Variants in TG observed in about 807,000 individuals in gnomAD.
TG encodes thyroglobulin, also known as thyroid hormones.
In TG, 270 loss-of-function variants were observed where a neutral mutation model predicts 324.7. The ratio of observed to expected loss-of-function variants is 0.83; its 90% CI spans 0.75 to 0.92. The LOEUF is 0.92. Ranked by LOEUF, TG falls within the 40% of genes least tolerant of loss-of-function variation. The probability of loss-of-function intolerance (pLI) is 0.00; values close to 1 mark genes in which losing one functional copy is unlikely to be tolerated. For synonymous variants in TG, 1,401 were observed against 1,327.0 expected, an observed-to-expected ratio of 1.06 and a Z score of -1.21; for missense variants, 3,591 against 3,456.4, an observed-to-expected ratio of 1.04 and a Z score of -0.98.
intron 41 of TG, among the ~76,000 whole-genome samples, chr8:133,035,261 A>G (rs1196021092): frequency 6.6e-6 from 1 of 152,094 alleles, no homozygotes; most frequent in Non-Finnish European, 1.5e-5. Flanking sequence ...TTATTGCATT[A>G]TTTTCTTCTT....
At position 132,969,605 on chromosome 8, in the gene TG, T is replaced by C. The variant is rs374299497; in HGVS notation, c.5975+36T>C. On this transcript the variant is annotated intron_variant, in intron 32 of 47. Coordinates refer to ENST00000220616, the MANE Select transcript of TG (RefSeq NM_003235.5). ...TGTGTCTCACCCCTAATGTTTATTA[T>C]GAATAATACTTCCTCAAAGAAGATG... 18 of 1,343,958 alleles carry C rather than the reference T, an allele frequency of 1.3e-5. No homozygotes were observed. The South Asian group carries it at 1.5e-4, about 11-fold the overall frequency. 83.3% of individuals were successfully genotyped at this position (1,343,958 alleles called of 1,614,324 possible).
At chr8:132,973,190 C>G (rs1829764200) in intron 34 of TG, among the ~76,000 whole-genome samples, 1 of 152,176 alleles carries the variant, frequency 6.6e-6, no homozygotes, top group Non-Finnish European at 1.5e-5. Context: ...GGGGGTGTTC[C>G]TCAAACAGTA....
intron 27 of TG, among the ~76,000 whole-genome samples, chr8:132,950,761 C>T (rs1307056623): frequency 6.6e-6 from 1 of 152,152 alleles, no homozygotes; most frequent in Non-Finnish European, 1.5e-5. Context: ...ACAGTAATAC[C>T]AGTACCCATC....
At chr8:133,061,169 C>G (rs962463299) in intron 41 of TG, among the ~76,000 whole-genome samples, 1 of 152,140 alleles carries the variant, frequency 6.6e-6, no homozygotes, top group Non-Finnish European at 1.5e-5. Context: ...CATGCCACAC[C>G]CAGCTAATTT....
chr8:132,968,026 T>C, intron 31 of TG, 56 bp downstream of exon 31: 1 of 1,595,130 alleles, frequency 6.3e-7, no homozygotes, highest in Admixed American at 1.7e-5. Flanking sequence ...GCTGGCTCTG[T>C]GGTTTTAGAA....
At chr8:133,076,479 G>T (rs1008792007) in intron 41 of TG, among the ~76,000 whole-genome samples, 7 of 152,188 alleles carry the variant, frequency 4.6e-5, no homozygotes, top group African/African-American at 1.7e-4. Flanking sequence ...ATGCTGGGAA[G>T]GTACAAAGGA....
At chr8:132,933,374 CTG>C (rs1293321419) in intron 23 of TG, among the ~76,000 whole-genome samples, 185 bp from the exon 24 acceptor site, 3 of 3,306 alleles carry the variant, frequency 9.1e-4, no homozygotes, top group East Asian at 7.9e-3. Context: ...GTGTGTGTGC[CTG>C]TGTGTGTGTA....
At chr8:133,043,774 T>C (rs1838771221) in intron 41 of TG, among the ~76,000 whole-genome samples, 1 of 152,224 alleles carries the variant, frequency 6.6e-6, no homozygotes, top group African/African-American at 2.4e-5. Flanking sequence ...GCACTTTGCT[T>C]GCTCAGTTCA....
chr8:132,900,394 C>T (rs1362152596), intron 15 of TG, 55 bp downstream of exon 15: 39 of 1,516,462 alleles, frequency 2.6e-5, no homozygotes, highest in Admixed American at 7.5e-5. Flanking sequence ...GGGCACTGAG[C>T]GTGGAGTCCA....
intron 35 of TG, among the ~76,000 whole-genome samples, chr8:132,985,631 C>T (rs1006295534): frequency 1.7e-4 from 26 of 152,184 alleles, no homozygotes; most frequent in African/African-American, 5.3e-4. Flanking sequence ...CATCCTGTTA[C>T]AATTGTCAAG....
intron 35 of TG, chr8:133,001,647 A>G (rs558947571): frequency 9.7e-6 from 6 of 618,452 alleles, no homozygotes; most frequent in African/African-American, 6.0e-5. Flanking sequence ...GGATGTCTCA[A>G]TGCAATGTTG....
rs146233412 is a variant in TG at position 132,998,668 on chromosome 8, C to T, written c.6263-13233C>T. ...AATCACAGTGAAATTAAAGAGCTGGCGTGAGTGGGCTAAAGTGTGAATGTG... is the reference window on the plus strand; with the variant it reads ...AATCACAGTGAAATTAAAGAGCTGGTGTGAGTGGGCTAAAGTGTGAATGTG... On this transcript the variant is annotated intron_variant, in intron 35 of 47. Coordinates refer to ENST00000220616, the MANE Select transcript of TG (RefSeq NM_003235.5). Among the ~76,000 whole-genome samples the T allele has an allele frequency of 3.9e-3, 589 of 152,246 alleles. 2 individuals carry two copies. Among genetic ancestry groups the T allele is most frequent in the African/African-American group, 0.013 (556 of 41,532 alleles).
chr8:132,904,008 C>G (rs1045761534), intron 16 of TG, among the ~76,000 whole-genome samples: 7 of 152,198 alleles, frequency 4.6e-5, no homozygotes, highest in African/African-American at 1.4e-4. Flanking sequence ...ACCAAGTTGC[C>G]TCTCTCTGCA....
intron 43 of TG, among the ~76,000 whole-genome samples, chr8:133,110,496 C>T (rs931525342): frequency 2.6e-5 from 4 of 152,208 alleles, no homozygotes; most frequent in African/African-American, 4.8e-5. Context: ...GAGCCTTCTT[C>T]CATGAAGATA....
At position 133,018,274 on chromosome 8, in the gene TG, G is replaced by C. The variant is rs117004909; in HGVS notation, c.6782+277G>C. The stretch of plus-strand genomic sequence containing the variant: ...GATTCAGGGACGCAGGCTGATGGAG[G>C]CTCTGCCTTCTTCAGCATGAATCTT... On this transcript the variant is annotated intron_variant, in intron 38 of 47. Transcript: ENST00000220616. 1.4e-3 allele frequency among the ~76,000 whole-genome samples: 213 copies of C among 152,324 alleles called. 4 individuals carry two copies. In the East Asian group the frequency reaches 0.031, roughly 22 times the overall value.
intron 27 of TG, among the ~76,000 whole-genome samples, chr8:132,956,222 G>A (rs1826842697): frequency 6.6e-6 from 1 of 152,156 alleles, no homozygotes; most frequent in Non-Finnish European, 1.5e-5. Context: ...GCAATGTTCT[G>A]TGTTTATTTG....
At position 133,013,903 on chromosome 8, in the gene TG, ACTG is replaced by A; in HGVS notation, c.6562+140_6562+142del. ...GCTAGGTGGCACTCACTTGAGGTAGACTGAAGGAAGGTAGAAAAAATTCCTACT... is the reference window on the plus strand; with the variant it reads ...GCTAGGTGGCACTCACTTGAGGTAGAAAGGAAGGTAGAAAAAATTCCTACT... On this transcript the variant is annotated intron_variant, in intron 37 of 47. Coordinates refer to ENST00000220616, the MANE Select transcript of TG (RefSeq NM_003235.5). The A allele has an allele frequency of 1.2e-5, 12 of 1,012,834 alleles. No homozygotes were observed. In the South Asian group the frequency reaches 1.7e-4, roughly 15 times the overall value. 62.7% of individuals were successfully genotyped at this position (1,012,834 alleles called of 1,614,324 possible).
At chr8:132,950,214 C>T (rs1312911358) in intron 27 of TG, among the ~76,000 whole-genome samples, 5 of 152,180 alleles carry the variant, frequency 3.3e-5, no homozygotes, top group African/African-American at 1.2e-4. Flanking sequence ...CCCTGCTCCT[C>T]GTTGTCTATT....
chr8:133,013,634 T>G lies in TG; in HGVS notation c.6432T>G (p.Thr2144=). The change falls in exon 37 of 48, where the codon ACT becomes ACG. Residue 2144 remains threonine, a synonymous_variant. Transcript: ENST00000220616. ...CSQHEACLIT[T]LQTQPGAVRC... ...AACATGAGGCCTGTCTCATCACCAC[T>G]CTGCAAACCCAACCTGGGGCTGTGA... 6.2e-7 allele frequency: 1 copy of G among 1,614,236 alleles called. No homozygotes were observed. Among genetic ancestry groups the G allele is most frequent in the Non-Finnish European group, 8.5e-7 (1 of 1,180,052 alleles).
Sources: allele counts gnomAD v4.1 joint callset (sites outside exome capture counted in the v4.1 genomes callset), GRCh38; gene constraint gnomAD v4.1.1; transcripts MANE v1.5; gene names NCBI Gene and HGNC (gene_info 2026-07-23, HGNC 2026-07-21).